CLSTN1: variants seen among roughly 807,000 people sequenced by gnomAD.
CLSTN1 encodes calsyntenin 1.
A neutral mutation model predicts 108.3 loss-of-function variants in CLSTN1; 28 were observed. The observed-to-expected ratio is 0.26, with a 90% CI of 0.19 to 0.35. The LOEUF is 0.35. Among genes scored for constraint, CLSTN1 ranks in the 10% least tolerant of loss-of-function variants. The probability of loss-of-function intolerance (pLI) is 1.00; values close to 1 mark genes in which losing one functional copy is unlikely to be tolerated. For synonymous variants in CLSTN1, 524 were observed against 534.9 expected (o/e 0.98, Z 0.28); for missense variants, 1,157 against 1,302.6 (o/e 0.89, Z 1.72).
At chr1:9,792,219 A>C (rs1202596598) in intron 1 of CLSTN1, among the ~76,000 whole-genome samples, 2 of 151,138 alleles carry the variant, frequency 1.3e-5, no homozygotes, top group Non-Finnish European at 2.9e-5. Flanking sequence ...ACAACAAAAA[A>C]AACAGGCCAG....
chr1:9,813,665 T>C (rs920700015), intron 1 of CLSTN1, among the ~76,000 whole-genome samples: 3 of 152,242 alleles, frequency 2.0e-5, no homozygotes, highest in African/African-American at 7.2e-5. Context: ...GACTAGAGTC[T>C]GCATTTCAGA....
At chr1:9,769,157 G>T (rs1652541958) in intron 2 of CLSTN1, among the ~76,000 whole-genome samples, 1 of 147,644 alleles carries the variant, frequency 6.8e-6, no homozygotes, top group African/African-American at 2.5e-5. Flanking sequence ...GGGAGGAAGG[G>T]AGGGAAGGAA....
At position 9,730,135 on chromosome 1, in the gene CLSTN1, T is replaced by G; in HGVS notation, c.*373A>C. ...GAAAAAAATGATTACCGGGTGGGAG[T>G]GAGCATGTTTTACCCTTTGTCAACG... is the stretch of plus-strand genomic sequence containing the variant. On this transcript the variant is annotated 3_prime_UTR_variant, in exon 19 of 19. Transcript: ENST00000377298. The surrounding 1 kb of genome is among the most constrained non-coding windows in gnomAD (Gnocchi z 5.6). The G allele has an allele frequency of 3.5e-6, 1 of 285,358 alleles. No individual in the cohort carries two copies. Among genetic ancestry groups the G allele is most frequent in the Non-Finnish European group, 6.7e-6 (1 of 150,368 alleles). 17.7% of individuals were successfully genotyped at this position (285,358 alleles called of 1,614,324 possible).
At chr1:9,820,624 C>CT (rs1243689177) in intron 1 of CLSTN1, among the ~76,000 whole-genome samples, 4 of 152,142 alleles carry the variant, frequency 2.6e-5, no homozygotes, top group African/African-American at 4.8e-5. Flanking sequence ...TGCAAAGCTA[C>CT]TACGCTGTCT....
intron 1 of CLSTN1, among the ~76,000 whole-genome samples, chr1:9,800,675 A>AAG (rs1654224537): frequency 2.0e-5 from 3 of 151,058 alleles, no homozygotes; most frequent in Non-Finnish European, 4.4e-5. Context: ...CCTTGCAGTG[A>AAG]GCCATGATCG....
chr1:9,730,426 T>G lies in CLSTN1; in HGVS notation c.*82A>C, dbSNP rs951279470. The G allele has an allele frequency of 1.3e-4, 179 of 1,340,304 alleles. 1 individual carries two copies. Among genetic ancestry groups the G allele is most frequent in the Non-Finnish European group, 1.8e-4 (174 of 949,794 alleles). 83.0% of individuals were successfully genotyped at this position (1,340,304 alleles called of 1,614,324 possible). A position where few individuals can be genotyped will look rare whatever the true frequency, so the allele number is the denominator to read the frequency against. On this transcript the variant is annotated 3_prime_UTR_variant, in exon 19 of 19. Coordinates refer to ENST00000377298, the MANE Select transcript of CLSTN1 (RefSeq NM_001009566.3). The surrounding 1 kb of genome is among the most constrained non-coding windows in gnomAD (Gnocchi z 5.6). The stretch of plus-strand genomic sequence containing the variant: ...ACACCTACTGGCCGAAATGACTTTG[T>G]ACATCGTGGACCCTTGGGACTGGGA...
At chr1:9,808,708 G>A (rs1001045885) in intron 1 of CLSTN1, among the ~76,000 whole-genome samples, 25 of 152,042 alleles carry the variant, frequency 1.6e-4, no homozygotes, top group African/African-American at 5.8e-4. Context: ...GAGCTCTCAG[G>A]AAAAAGGCCT....
rs1020057394 is a variant in CLSTN1 at position 9,771,616 on chromosome 1, G to GA, written c.214+1655dup. Among the ~76,000 whole-genome samples the GA allele has an allele frequency of 1.7e-4, 25 of 149,278 alleles. No individual in the cohort carries two copies. In the East Asian group the frequency reaches 1.8e-3, roughly 11 times the overall value. On this transcript the variant is annotated intron_variant, in intron 2 of 18. Transcript: ENST00000377298. ...GTGACAGAGCAAGACTGTTTCAGGA[G>GA]AAAAAAAAAATGTGGGGGAAAAAGC...
At chr1:9,818,353 T>C (rs1444391413) in intron 1 of CLSTN1, among the ~76,000 whole-genome samples, 2 of 151,270 alleles carry the variant, frequency 1.3e-5, no homozygotes, top group Non-Finnish European at 2.9e-5. Flanking sequence ...TTCCTGAGAC[T>C]GAGTCTCACT....
At chr1:9,736,095 A>C in intron 11 of CLSTN1, 53 bp from the exon 12 acceptor site, 1 of 1,608,674 alleles carries the variant, frequency 6.2e-7, no homozygotes, top group Non-Finnish European at 8.5e-7. Flanking sequence ...AGCATCGCCC[A>C]ACTCACTTCT....
chr1:9,736,232 T>A (rs536836765), intron 11 of CLSTN1, among the ~76,000 whole-genome samples, 190 bp from the exon 12 acceptor site: 1 of 152,348 alleles, frequency 6.6e-6, no homozygotes, highest in South Asian at 2.1e-4. Flanking sequence ...TTTATGATCA[T>A]GCACATGGCC....
chr1:9,793,521 G>A (rs1557717831), intron 1 of CLSTN1, among the ~76,000 whole-genome samples: 1 of 151,494 alleles, frequency 6.6e-6, no homozygotes, highest in Admixed American at 6.7e-5. Context: ...GGAACAATTT[G>A]ATGCACTCCC....
In CLSTN1 at chr1:9,773,257, A is replaced by C. The variant is rs1167052529; in HGVS notation, c.214+15T>G. 6.2e-7 allele frequency: 1 copy of C among 1,613,712 alleles called. No individual in the cohort carries two copies. The highest frequency in any genetic ancestry group is 1.1e-5 in the South Asian group (1 of 91,046). The stretch of plus-strand genomic sequence containing the variant: ...GGCCCGATTCATCAAGAGTCAATGA[A>C]AGCCCCGTTCCTACCTGCAAATCGC... On this transcript the variant is annotated intron_variant, in intron 2 of 18. Coordinates refer to ENST00000377298, the MANE Select transcript of CLSTN1 (RefSeq NM_001009566.3).
intron 1 of CLSTN1, among the ~76,000 whole-genome samples, chr1:9,813,741 C>T (rs1654861814): frequency 6.6e-6 from 1 of 152,108 alleles, no homozygotes. Context: ...TCTGAAGTTT[C>T]ACATTTCTTC....
intron 1 of CLSTN1, among the ~76,000 whole-genome samples, chr1:9,813,840 C>T (rs185961752): frequency 0.01 from 1,533 of 152,190 alleles, 14 homozygotes; most frequent in Non-Finnish European, 0.013. Context: ...TGGCTCGCAC[C>T]TGTAATCCCA....
At chr1:9,779,660 C>CA (rs1297530410) in intron 1 of CLSTN1, among the ~76,000 whole-genome samples, 1 of 152,138 alleles carries the variant, frequency 6.6e-6, no homozygotes, top group African/African-American at 2.4e-5. Flanking sequence ...CTCCTGAGCT[C>CA]AAGCAATTCT....
chr1:9,801,052 C>T (rs1214435727), intron 1 of CLSTN1, among the ~76,000 whole-genome samples: 1 of 151,728 alleles, frequency 6.6e-6, no homozygotes, highest in South Asian at 2.1e-4. Context: ...TTCGAGACCA[C>T]CCTGACCAAC....
In CLSTN1 at chr1:9,734,313, G is replaced by A. The variant is rs1441457398; in HGVS notation, c.2111-171C>T. Among the ~76,000 whole-genome samples the A allele has an allele frequency of 3.9e-5, 6 of 152,174 alleles. No homozygotes were observed. Among genetic ancestry groups the A allele is most frequent in the African/African-American group, 1.2e-4 (5 of 41,450 alleles). ...GAAACGGCTGGGCGCAGTGGCTCAC[G>A]CCTGTAATCCCAGCACTTTGGGAGG... is the stretch of plus-strand genomic sequence containing the variant. On this transcript the variant is annotated intron_variant, in intron 14 of 18. Coordinates refer to ENST00000377298, the MANE Select transcript of CLSTN1 (RefSeq NM_001009566.3). This position sits in a 1 kb window ranked among gnomAD's most constrained non-coding sequence, Gnocchi z 4.8.
upstream of CLSTN1, chr1:9,824,126 G>A (rs1486503662): frequency 6.8e-6 from 1 of 146,156 alleles, no homozygotes; most frequent in African/African-American, 2.5e-5. The surrounding 1 kb of genome is among the most constrained non-coding windows in gnomAD (Gnocchi z 5.0). Context: ...GGGAGCGCGC[G>A]CGGCGGACCC....
Sources: gnomAD v4.1 joint callset for allele counts (sites outside exome capture counted in the v4.1 genomes callset) on GRCh38, gnomAD v4.1.1 for gene constraint, Gnocchi (gnomAD v3.1) non-coding constraint, MANE v1.5 for transcripts, NCBI Gene and HGNC (gene_info 2026-07-23, HGNC 2026-07-21) for gene names.